The following GLIS3 variants were observed in gnomAD, a reference collection of about 807,000 sequenced individuals.
GLIS3 encodes zinc finger protein GLIS3.
GLIS3 carries 53 observed loss-of-function variants against 78.6 expected under a neutral mutation model. That is an observed-to-expected ratio of 0.67 (90% CI 0.54 to 0.85). GLIS3 has a LOEUF of 0.85. Among genes scored for constraint, GLIS3 ranks in the 40% least tolerant of loss-of-function variants. The pLI is 0.00. For synonymous variants in GLIS3, 684 were observed against 509.9 expected (o/e 1.34, Z -4.60); for missense variants, 1,703 against 1,231.1 (o/e 1.38, Z -5.74).
chr9:4,014,616 T>G (rs1174679309), intron 4 of GLIS3, among the ~76,000 whole-genome samples: 1 of 152,214 alleles, frequency 6.6e-6, no homozygotes, highest in Non-Finnish European at 1.5e-5. Context: ...AGATTTTTCC[T>G]TAGAGCCATC....
At chr9:4,450,546 T>A in the GLIS3 span, among the ~76,000 whole-genome samples, 1 of 151,926 alleles carries the variant, frequency 6.6e-6, no homozygotes, top group African/African-American at 2.4e-5. Context: ...CACATAATTG[T>A]CAGATTCACC....
chr9:4,239,929 T>A (rs553487914), intron 2 of GLIS3, among the ~76,000 whole-genome samples: 1 of 152,358 alleles, frequency 6.6e-6, no homozygotes, highest in East Asian at 1.9e-4. Flanking sequence ...AACAGCCCCA[T>A]CTCAAACTCA....
chr9:3,861,207 G>A (rs540103120), intron 8 of GLIS3, among the ~76,000 whole-genome samples: 37 of 152,268 alleles, frequency 2.4e-4, no homozygotes, highest in Non-Finnish European at 3.7e-4. Context: ...GTATTAGAAC[G>A]TCTATAGAGT....
At chr9:3,936,386 G>A (rs1825900104) in intron 5 of GLIS3, among the ~76,000 whole-genome samples, 1 of 152,202 alleles carries the variant, frequency 6.6e-6, no homozygotes, top group Non-Finnish European at 1.5e-5. Flanking sequence ...ACTTAAGGGT[G>A]TAATAATGAA....
chr9:4,018,259 T>C (rs150797863), intron 4 of GLIS3, among the ~76,000 whole-genome samples: 1 of 152,262 alleles, frequency 6.6e-6, no homozygotes, highest in Non-Finnish European at 1.5e-5. Context: ...GCAATTAGGG[T>C]GAGGTTTAGA....
chr9:4,190,614 T>A (rs1227856555), intron 2 of GLIS3, among the ~76,000 whole-genome samples: 1 of 151,420 alleles, frequency 6.6e-6, no homozygotes, highest in Non-Finnish European at 1.5e-5. Flanking sequence ...CTCTGCAGGA[T>A]ATTATCCAGG....
At chr9:4,243,496 C>G (rs1356579882) in intron 2 of GLIS3, among the ~76,000 whole-genome samples, 1 of 152,142 alleles carries the variant, frequency 6.6e-6, no homozygotes, top group Non-Finnish European at 1.5e-5. Flanking sequence ...AGAAATGGTT[C>G]TAAGCATTTT....
chr9:4,352,434 C>G (rs1028878430), upstream of GLIS3, among the ~76,000 whole-genome samples: 2 of 152,240 alleles, frequency 1.3e-5, no homozygotes, highest in African/African-American at 4.8e-5. Flanking sequence ...GGTATGGGGA[C>G]ATAGAAATAC....
At chr9:4,008,769 A>C (rs1435924148) in intron 4 of GLIS3, among the ~76,000 whole-genome samples, 1 of 152,204 alleles carries the variant, frequency 6.6e-6, no homozygotes, top group Non-Finnish European at 1.5e-5. Context: ...ATTGAACTCT[A>C]AAGCCAGTGA....
chr9:4,180,284 G>T (rs1157284988), intron 2 of GLIS3, among the ~76,000 whole-genome samples: 3 of 152,160 alleles, frequency 2.0e-5, no homozygotes, highest in Non-Finnish European at 4.4e-5. Context: ...TCCTAGGTCA[G>T]CAATGATCCT....
chr9:4,328,290 C>T lies in GLIS3; in HGVS notation n.265-17762G>A, dbSNP rs928706691. 3.0e-4 allele frequency among the ~76,000 whole-genome samples: 46 copies of T among 152,242 alleles called. 1 individual carries two copies. The highest frequency in any genetic ancestry group is 3.4e-3 in the Middle Eastern group (1 of 294). On this transcript the variant is annotated intron_variant and non_coding_transcript_variant, in intron 2 of 4. Transcript: ENST00000471664. Reference sequence around the variant, plus strand: ...AGGTAGCTTGGATCATGCTGTGGCCCCTGAAGAAGAGCTTGGTCACAGCTC... The same window carrying T: ...AGGTAGCTTGGATCATGCTGTGGCCTCTGAAGAAGAGCTTGGTCACAGCTC...
the GLIS3 span, among the ~76,000 whole-genome samples, chr9:4,465,226 T>C: frequency 1.3e-5 from 2 of 152,364 alleles, no homozygotes; most frequent in East Asian, 1.9e-4. Context: ...GAAATTTACA[T>C]ATAACATTGC....
chr9:4,379,363 T>C, the GLIS3 span, among the ~76,000 whole-genome samples: 2 of 152,258 alleles, frequency 1.3e-5, no homozygotes, highest in Non-Finnish European at 2.9e-5. Flanking sequence ...AATGTTATAA[T>C]TTCTCAAACT....
chr9:4,162,836 G>A (rs917462203), intron 2 of GLIS3, among the ~76,000 whole-genome samples: 6 of 135,762 alleles, frequency 4.4e-5, no homozygotes, highest in African/African-American at 1.1e-4. Context: ...CAGCCCGGGC[G>A]ACAGAGTCTC....
intron 4 of GLIS3, among the ~76,000 whole-genome samples, chr9:4,085,282 C>G (rs1029344945): frequency 3.3e-5 from 5 of 151,614 alleles, no homozygotes; most frequent in African/African-American, 1.2e-4. Flanking sequence ...TTAAATCTTT[C>G]CTCCATTTAA....
At chr9:4,239,588 GCT>G (rs1053891849) in intron 2 of GLIS3, among the ~76,000 whole-genome samples, 1 of 152,136 alleles carries the variant, frequency 6.6e-6, no homozygotes, top group Non-Finnish European at 1.5e-5. Context: ...ATACTGATGT[GCT>G]CTAGCTTTCT....
chr9:4,047,774 G>C (rs1825374156), intron 4 of GLIS3, among the ~76,000 whole-genome samples: 1 of 152,142 alleles, frequency 6.6e-6, no homozygotes, highest in Non-Finnish European at 1.5e-5. Context: ...GGAATGTTCT[G>C]GGAAAGACAT....
intron 4 of GLIS3, among the ~76,000 whole-genome samples, chr9:4,026,984 C>T (rs1563961994): frequency 6.6e-6 from 1 of 152,162 alleles, no homozygotes. Context: ...CATGGAGTCT[C>T]ATGATTTAAG....
rs552983976 is a variant in GLIS3 at position 4,118,350 on chromosome 9, A to T, written c.1128T>A (p.Pro376=). The T allele has an allele frequency of 1.3e-6, 2 of 1,582,596 alleles. No individual in the cohort carries two copies. Among genetic ancestry groups the T allele is most frequent in the South Asian group, 2.3e-5 (2 of 88,742 alleles). Residue 376 remains proline, a synonymous_variant, in exon 4 of 11, where the codon CCT becomes CCA. Transcript: ENST00000381971. This position sits in a 1 kb window ranked among gnomAD's most constrained non-coding sequence, Gnocchi z 4.7. ...CGTAGGCCGGCAGCGCCAGGCCTCC[A>T]GGGGCCACCAGCACGCCCTTCTGGC... ...PGSQKGVLVA[P]GGLALPAYGE...
Sources: gnomAD v4.1 joint callset for allele counts (sites outside exome capture counted in the v4.1 genomes callset) on GRCh38, gnomAD v4.1.1 for gene constraint, Gnocchi (gnomAD v3.1) non-coding constraint, MANE v1.5 for transcripts, NCBI Gene and HGNC (gene_info 2026-07-23, HGNC 2026-07-21) for gene names.